The following KBTBD11 variants were observed in gnomAD, a reference collection of about 807,000 sequenced individuals.
KBTBD11 encodes the protein kelch repeat and BTB domain-containing protein 11.
For missense variants in KBTBD11, 1,390 were observed against 1,001.8 expected (o/e 1.39, Z -5.23); for synonymous variants, 747 against 499.0 (o/e 1.50, Z -6.63).
rs571915963 is a variant in KBTBD11 at position 1,996,428 on chromosome 8, G to A, written c.-908-3857G>A. The stretch of plus-strand genomic sequence containing the variant: ...ATTACAGCCCTGTGCCACCAAGCCC[G>A]GCTGATTTTGTATTTTTTTAGTAGA... On this transcript the variant is annotated intron_variant, in intron 1 of 1. Coordinates refer to ENST00000320248, the MANE Select transcript of KBTBD11 (RefSeq NM_014867.3). Among the ~76,000 whole-genome samples the A allele has an allele frequency of 2.0e-5, 3 of 152,156 alleles. No individual in the cohort carries two copies. The East Asian group carries it at 5.8e-4, about 30-fold the overall frequency.
At chr8:1,993,922 T>TACACAC (rs57317862) in intron 1 of KBTBD11, among the ~76,000 whole-genome samples, 5,799 of 139,708 alleles carry the variant, frequency 0.042, 158 homozygotes, top group Non-Finnish European at 0.042. Context: ...CAATACCCCC[T>TACACAC]ACACACACAC....
At chr8:1,974,398 C>G (rs988835922) in intron 1 of KBTBD11, 11 of 984,274 alleles carry the variant, frequency 1.1e-5, no homozygotes, top group African/African-American at 1.8e-5. Context: ...CGAAGCCAAG[C>G]GCGCGGGGCC....
chr8:1,979,363 C>G (rs1471733713), intron 1 of KBTBD11, among the ~76,000 whole-genome samples: 1 of 152,252 alleles, frequency 6.6e-6, no homozygotes, highest in African/African-American at 2.4e-5. Flanking sequence ...GGTGCAGTGG[C>G]TCACGCCTGT....
At chr8:1,974,500 C>T (rs1816253516) in intron 1 of KBTBD11, 2 of 984,358 alleles carry the variant, frequency 2.0e-6, no homozygotes, top group Non-Finnish European at 2.4e-6. Context: ...CTCCTGGACT[C>T]GGGGCCCTGG....
chr8:1,975,081 A>G (rs1816286419), intron 1 of KBTBD11: 1 of 152,272 alleles, frequency 6.6e-6, no homozygotes, highest in African/African-American at 2.4e-5. Flanking sequence ...TGCTATTATT[A>G]GAATAATCCT....
intron 1 of KBTBD11, among the ~76,000 whole-genome samples, chr8:1,991,663 C>G (rs551434485): frequency 6.6e-6 from 1 of 152,048 alleles, no homozygotes; most frequent in South Asian, 2.1e-4. Flanking sequence ...GGGCAATGAG[C>G]TGTGACCTGC....
At chr8:1,985,538 G>GT (rs1450281840) in intron 1 of KBTBD11, among the ~76,000 whole-genome samples, 1 of 152,278 alleles carries the variant, frequency 6.6e-6, no homozygotes, top group Non-Finnish European at 1.5e-5. Context: ...GCCATGTGGC[G>GT]TTTACCAAGG....
intron 1 of KBTBD11, among the ~76,000 whole-genome samples, chr8:1,991,225 G>C (rs186132259): frequency 1.9e-3 from 291 of 152,384 alleles, no homozygotes; most frequent in Non-Finnish European, 3.0e-3. Context: ...CCCTGCATGT[G>C]AGAAAGCTTG....
chr8:1,989,931 T>G (rs1406386357), intron 1 of KBTBD11, among the ~76,000 whole-genome samples: 3 of 146,262 alleles, frequency 2.1e-5, no homozygotes, highest in African/African-American at 7.6e-5. Context: ...TGGTTTTTTT[T>G]TTTTTTTTTT....
chr8:1,998,885 C>A (rs1817240868), intron 1 of KBTBD11, among the ~76,000 whole-genome samples: 1 of 152,228 alleles, frequency 6.6e-6, no homozygotes. Flanking sequence ...GTCACCGTTA[C>A]ATTGTGGTCC....
chr8:1,991,823 G>A (rs758953461), intron 1 of KBTBD11, among the ~76,000 whole-genome samples: 7 of 152,060 alleles, frequency 4.6e-5, no homozygotes, highest in Non-Finnish European at 7.3e-5. Context: ...CTGGGCTCTT[G>A]GTGGGAGTAA....
chr8:2,001,984 G>T lies in KBTBD11; in HGVS notation c.792G>T (p.Leu264=). ...AAYCFMSDHY[L]EVLREPAVFG... ...ACTGCTTCATGAGCGACCACTATCT[G>T]GAGGTGCTGCGCGAGCCCGCCGTGT... Residue 264 remains leucine (L), a synonymous_variant, in exon 2 of 2, where the codon CTG becomes CTT. Transcript: ENST00000320248. 6.9e-7 allele frequency: 1 copy of T among 1,447,160 alleles called. No homozygotes were observed. The highest frequency in any genetic ancestry group is 1.2e-5 in the South Asian group (1 of 81,530). The allele number at this position is 1,447,160 out of a possible 1,614,324, so 89.6% of individuals were successfully genotyped here. A position where few individuals can be genotyped will look rare whatever the true frequency, so the allele number is the denominator to read the frequency against.
intron 1 of KBTBD11, among the ~76,000 whole-genome samples, chr8:1,975,628 C>A (rs935659080): frequency 2.0e-5 from 3 of 152,198 alleles, no homozygotes; most frequent in Non-Finnish European, 4.4e-5. Context: ...TTTCTCAGAA[C>A]CTGTCTGCAT....
intron 1 of KBTBD11, among the ~76,000 whole-genome samples, chr8:1,984,588 C>T (rs1015722843): frequency 7.2e-5 from 11 of 151,932 alleles, no homozygotes; most frequent in East Asian, 1.9e-4. Flanking sequence ...CGCGTGGCCC[C>T]GTCTCTAAAA....
chr8:2,002,015 CGCCT>C lies in KBTBD11; in HGVS notation c.825_828del (p.Leu276ArgfsTer64). ...GCTGCGCGAGCCCGCCGTGTTCGGC[CGCCT>C]GTCGGGCGCAGAGCGGGACCTGCTG... On this transcript the variant is annotated frameshift_variant, in exon 2 of 2. Coordinates refer to ENST00000320248, the MANE Select transcript of KBTBD11 (RefSeq NM_014867.3). LOFTEE classifies it low-confidence loss of function (END_TRUNC). The surrounding 1 kb of genome is among the most constrained non-coding windows in gnomAD (Gnocchi z 4.1). 7.1e-7 allele frequency: 1 copy of C among 1,412,376 alleles called. No homozygotes were observed. The allele number at this position is 1,412,376 out of a possible 1,614,324, so 87.5% of individuals were successfully genotyped here. A position where few individuals can be genotyped will look rare whatever the true frequency, so the allele number is the denominator to read the frequency against.
At chr8:1,981,186 AGAAAGG>A (rs1816528762) in intron 1 of KBTBD11, among the ~76,000 whole-genome samples, 1 of 152,202 alleles carries the variant, frequency 6.6e-6, no homozygotes, top group South Asian at 2.1e-4. Flanking sequence ...TTCTGTACCC[AGAAAGG>A]CTGTCATTTA....
At chr8:1,984,706 G>T (rs983612182) in intron 1 of KBTBD11, among the ~76,000 whole-genome samples, 1 of 152,108 alleles carries the variant, frequency 6.6e-6, no homozygotes, top group African/African-American at 2.4e-5. Context: ...ACAGGAGCAG[G>T]AACTCATAGC....
rs1817418776 is a variant in KBTBD11 at position 2,002,460 on chromosome 8, T to G, written c.1268T>G (p.Leu423Arg). The change falls in exon 2 of 2, where the codon CTC becomes CGC. Residue 423 changes from leucine to arginine, a missense_variant. Coordinates refer to ENST00000320248, the MANE Select transcript of KBTBD11 (RefSeq NM_014867.3). This position sits in a 1 kb window ranked among gnomAD's most constrained non-coding sequence, Gnocchi z 4.1. ...HLYAVGGECL[L>R]SVERYDPRAD... ...TACGCCGTGGGCGGCGAGTGCCTGC[T>G]CAGCGTGGAGCGCTACGACCCGCGC... The G allele has an allele frequency of 6.4e-5, 96 of 1,510,116 alleles. No individual in the cohort carries two copies. Among genetic ancestry groups the G allele is most frequent in the Non-Finnish European group, 8.4e-5 (95 of 1,137,006 alleles). 93.5% of individuals were successfully genotyped at this position (1,510,116 alleles called of 1,614,324 possible). A position where few individuals can be genotyped will look rare whatever the true frequency, so the allele number is the denominator to read the frequency against.
intron 1 of KBTBD11, among the ~76,000 whole-genome samples, chr8:1,979,676 T>A (rs1816474116): frequency 6.6e-6 from 1 of 152,232 alleles, no homozygotes; most frequent in South Asian, 2.1e-4. Context: ...TGACTAAATA[T>A]CTGGGTACTG....
Sources: allele counts gnomAD v4.1 joint callset (sites outside exome capture counted in the v4.1 genomes callset), GRCh38; gene constraint gnomAD v4.1.1; non-coding constraint Gnocchi (gnomAD v3.1); transcripts MANE v1.5; gene names NCBI Gene and HGNC (gene_info 2026-07-23, HGNC 2026-07-21).